The following SLAIN2 variants were observed in gnomAD, a reference collection of about 807,000 sequenced individuals.
The protein encoded by SLAIN2 is SLAIN family member 2.
SLAIN2 carries 31 observed loss-of-function variants against 56.6 expected under a neutral mutation model. The ratio of observed to expected loss-of-function variants is 0.55; its 90% CI spans 0.41 to 0.74. The LOEUF (loss-of-function observed/expected upper bound fraction) is 0.74, where lower values mean the gene tolerates loss of function less well. SLAIN2 is among the 30% of genes least tolerant of loss of function. The probability of loss-of-function intolerance (pLI) is 0.00; values close to 1 mark genes in which losing one functional copy is unlikely to be tolerated. For missense variants in SLAIN2, 777 were observed against 754.2 expected (o/e 1.03, Z -0.35); for synonymous variants, 317 against 284.9 (o/e 1.11, Z -1.13).
At chr4:48,405,132 G>A (rs1202040398) in intron 6 of SLAIN2, among the ~76,000 whole-genome samples, 2 of 152,074 alleles carry the variant, frequency 1.3e-5, no homozygotes, top group Non-Finnish European at 2.9e-5. Flanking sequence ...AATAAAACAC[G>A]AAATCAGAAA....
chr4:48,397,793 A>T (rs1303123028), intron 6 of SLAIN2, among the ~76,000 whole-genome samples: 1 of 152,130 alleles, frequency 6.6e-6, no homozygotes, highest in South Asian at 2.1e-4. Context: ...ATTGAGAATA[A>T]TGGCTTCCAA....
chr4:48,398,075 G>A (rs1716454756), intron 6 of SLAIN2, among the ~76,000 whole-genome samples: 1 of 152,150 alleles, frequency 6.6e-6, no homozygotes, highest in Non-Finnish European at 1.5e-5. Flanking sequence ...GATCTTTGAG[G>A]AATCACCATG....
intron 2 of SLAIN2, 141 bp from the exon 3 acceptor site, chr4:48,377,755 A>AT (rs1404340962): frequency 1.3e-6 from 1 of 795,846 alleles, no homozygotes; most frequent in South Asian, 1.8e-5. Context: ...GGATTATTAT[A>AT]TTTTTTCCCC....
chr4:48,359,413 A>G (rs1481855950), intron 1 of SLAIN2, among the ~76,000 whole-genome samples: 1 of 152,202 alleles, frequency 6.6e-6, no homozygotes, highest in Non-Finnish European at 1.5e-5. Flanking sequence ...AATTTAAATC[A>G]TTTTTGTCCT....
intron 1 of SLAIN2, among the ~76,000 whole-genome samples, chr4:48,360,869 G>A (rs1445720526): frequency 1.3e-5 from 2 of 152,100 alleles, no homozygotes; most frequent in African/African-American, 4.8e-5. Flanking sequence ...TACAATCTGC[G>A]ATGTTTTGTG....
rs1715997928 is a variant in SLAIN2 at position 48,382,652 on chromosome 4, A to G, written c.947A>G (p.Asp316Gly). Residue 316 changes from aspartate (D) to glycine (G), a missense_variant, in exon 5 of 8, where the codon GAT becomes GGT. Transcript: ENST00000264313. ...TCTACAAGACGGGGTACTTTTAGTG[A>G]TCAGGAACTTGATGCACAAAGTTTA... ...CNSTRRGTFS[D>G]QELDAQSLDD... 1 of 1,613,706 alleles carries G rather than the reference A, an allele frequency of 6.2e-7. No homozygotes were observed. The highest frequency in any genetic ancestry group is 1.7e-5 in the Admixed American group (1 of 59,982).
intron 6 of SLAIN2, among the ~76,000 whole-genome samples, chr4:48,394,323 A>G (rs944438603): frequency 6.6e-6 from 1 of 152,122 alleles, no homozygotes; most frequent in Non-Finnish European, 1.5e-5. Context: ...TGACCAATAG[A>G]CATATTGGAG....
At chr4:48,396,375 GCATTAT>G (rs1470947729) in intron 6 of SLAIN2, among the ~76,000 whole-genome samples, 2 of 152,114 alleles carry the variant, frequency 1.3e-5, no homozygotes, top group African/African-American at 4.8e-5. Context: ...TGTGACGTGG[GCATTAT>G]CATTACCTAC....
intron 1 of SLAIN2, among the ~76,000 whole-genome samples, chr4:48,368,797 T>G (rs1715593018): frequency 6.6e-6 from 1 of 152,226 alleles, no homozygotes; most frequent in Non-Finnish European, 1.5e-5. Context: ...TTATTTAGCC[T>G]TGATGATCTT....
At chr4:48,362,750 CTTTT>C (rs66847310) in intron 1 of SLAIN2, among the ~76,000 whole-genome samples, 37 of 93,266 alleles carry the variant, frequency 4.0e-4, no homozygotes, top group Admixed American at 7.2e-4. Flanking sequence ...TTTTTTTATT[CTTTT>C]TTTTTTTTTT....
At chr4:48,400,977 T>G (rs975726487) in intron 6 of SLAIN2, among the ~76,000 whole-genome samples, 1 of 152,204 alleles carries the variant, frequency 6.6e-6, no homozygotes, top group Admixed American at 6.5e-5. Context: ...TCCTAGAGAT[T>G]CTAATATGTT....
chr4:48,405,134 A>T (rs1716658942), intron 6 of SLAIN2, among the ~76,000 whole-genome samples: 1 of 152,242 alleles, frequency 6.6e-6, no homozygotes, highest in African/African-American at 2.4e-5. Context: ...TAAAACACGA[A>T]ATCAGAAAAC....
intron 6 of SLAIN2, among the ~76,000 whole-genome samples, chr4:48,410,900 C>T (rs1716827079): frequency 6.6e-6 from 1 of 152,166 alleles, no homozygotes; most frequent in Admixed American, 6.5e-5. Context: ...ACAGGGTCGA[C>T]AAAGTTGCTG....
At chr4:48,398,533 C>A (rs991733275) in intron 6 of SLAIN2, among the ~76,000 whole-genome samples, 5 of 152,186 alleles carry the variant, frequency 3.3e-5, no homozygotes, top group African/African-American at 1.2e-4. Flanking sequence ...GCGTTTGTTG[C>A]AATTGCTTTT....
At chr4:48,392,779 C>T (rs1716268598) in intron 6 of SLAIN2, among the ~76,000 whole-genome samples, 1 of 151,428 alleles carries the variant, frequency 6.6e-6, no homozygotes, top group Non-Finnish European at 1.5e-5. Context: ...ACTTAATTTT[C>T]TCTTTAGCAG....
rs1717116759 is a variant in SLAIN2 at position 48,420,366 on chromosome 4, T to C, written c.1602T>C (p.Ser534=). The C allele has an allele frequency of 2.5e-6, 4 of 1,614,004 alleles. No homozygotes were observed. The highest frequency in any genetic ancestry group is 3.4e-6 in the Non-Finnish European group (4 of 1,179,866). Residue 534 remains serine, a synonymous_variant, in exon 7 of 8, where the codon AGT becomes AGC. Transcript: ENST00000264313. ...TRPAGTTAMR[S]GLPRPSAPSA... ...CTGCAGGGACAACTGCAATGAGAAG[T>C]GGCTTGCCCAGACCCAGTGCCCCTT...
At chr4:48,396,587 C>T (rs1385593724) in intron 6 of SLAIN2, among the ~76,000 whole-genome samples, 3 of 152,114 alleles carry the variant, frequency 2.0e-5, no homozygotes, top group Non-Finnish European at 2.9e-5. Context: ...AGCCTCTTCT[C>T]TTGTGGGGTT....
At chr4:48,354,235 A>G (rs780987846) in intron 1 of SLAIN2, among the ~76,000 whole-genome samples, 2 of 152,228 alleles carry the variant, frequency 1.3e-5, no homozygotes, top group Non-Finnish European at 2.9e-5. Flanking sequence ...ATCCTGGGCT[A>G]TATAAAGTGA....
chr4:48,357,143 T>G (rs1398705429), intron 1 of SLAIN2, among the ~76,000 whole-genome samples: 5 of 151,200 alleles, frequency 3.3e-5, no homozygotes, highest in Admixed American at 2.0e-4. Flanking sequence ...AAGTATAGTA[T>G]TATATATCTT....
Sources: gnomAD v4.1 joint callset for allele counts (sites outside exome capture counted in the v4.1 genomes callset) on GRCh38, gnomAD v4.1.1 for gene constraint, MANE v1.5 for transcripts, NCBI Gene and HGNC (gene_info 2026-07-23, HGNC 2026-07-21) for gene names.